The following TFB1M variants were observed in gnomAD, a reference collection of about 807,000 sequenced individuals.
The protein encoded by TFB1M is transcription factor B1, mitochondrial.
Under a neutral mutation model 31.1 loss-of-function variants are expected in TFB1M, and 27 were observed. The ratio of observed to expected loss-of-function variants is 0.87; its 90% CI spans 0.64 to 1.20. TFB1M has a LOEUF of 1.20. TFB1M is among the 50% of genes most tolerant of loss of function. The pLI, the probability that TFB1M is intolerant of heterozygous loss-of-function variation, is 0.00. For synonymous variants in TFB1M, 166 were observed against 151.8 expected, an observed-to-expected ratio of 1.09 and a Z score of -0.69; for missense variants, 394 against 418.7, an observed-to-expected ratio of 0.94 and a Z score of 0.51.
the TFB1M span, chr6:155,250,487 G>C: frequency 5.6e-6 from 8 of 1,421,902 alleles, no homozygotes; most frequent in African/African-American, 1.1e-4. Flanking sequence ...GAAAGGACTG[G>C]AGATCAGTCC....
intron 1 of TFB1M, chr6:155,314,091 C>A: frequency 1.0e-5 from 15 of 1,451,100 alleles, no homozygotes; most frequent in Non-Finnish European, 1.4e-5. Flanking sequence ...CCCCCGAACG[C>A]GGAGTTTTGT....
chr6:155,296,981 G>A lies in TFB1M; in HGVS notation c.518C>T (p.Thr173Ile). 2 of 1,613,934 alleles carry A rather than the reference G, an allele frequency of 1.2e-6. No homozygotes were observed. The highest frequency in any genetic ancestry group is 1.7e-6 in the Non-Finnish European group (2 of 1,179,928). ...GPFVYGRTQM[T>I]LTFQKEVAER... ...TGCCACTTCCTTTTGAAAAGTCAAAGTCATCTGAGTTCTGCCATAAACAAA... is the reference window on the plus strand; with the variant it reads ...TGCCACTTCCTTTTGAAAAGTCAAAATCATCTGAGTTCTGCCATAAACAAA... The change falls in exon 4 of 7, where the codon ACT (threonine) becomes ATT (isoleucine). Residue 173 changes from threonine (T) to isoleucine (I), a missense_variant. By Grantham distance (89) the Thr-to-Ile change is moderately conservative. Coordinates refer to ENST00000367166, the MANE Select transcript of TFB1M (RefSeq NM_016020.4).
chr6:155,278,114 G>A (rs994691982), intron 5 of TFB1M, among the ~76,000 whole-genome samples: 2 of 152,154 alleles, frequency 1.3e-5, no homozygotes, highest in African/African-American at 4.8e-5. Flanking sequence ...AATAAATGAT[G>A]TGGAGTCTCT....
chr6:155,280,074 AAAG>A (rs1163324667), intron 5 of TFB1M, among the ~76,000 whole-genome samples: 1 of 152,214 alleles, frequency 6.6e-6, no homozygotes, highest in African/African-American at 2.4e-5. Context: ...TTACAAACAA[AAAG>A]AAGAGAGAAA....
chr6:155,302,912 C>T (rs1777496917), intron 2 of TFB1M, among the ~76,000 whole-genome samples: 1 of 152,096 alleles, frequency 6.6e-6, no homozygotes, highest in Admixed American at 6.6e-5. Context: ...TAAACACGTC[C>T]TTCTTCATAT....
At chr6:155,250,582 G>A in the TFB1M span, 1 of 1,535,866 alleles carries the variant, frequency 6.5e-7, no homozygotes, top group Non-Finnish European at 8.7e-7. Context: ...TAGATCCCAG[G>A]GGAAAGCTTA....
At chr6:155,292,500 C>T (rs1306300966) in intron 4 of TFB1M, among the ~76,000 whole-genome samples, 1 of 152,046 alleles carries the variant, frequency 6.6e-6, no homozygotes, top group Non-Finnish European at 1.5e-5. Flanking sequence ...CGTTGGGTGC[C>T]TTCCTCAGAA....
intron 5 of TFB1M, among the ~76,000 whole-genome samples, chr6:155,265,706 T>TAAATATATTTATATATAATATAAATATA (rs1562389325): frequency 3.4e-5 from 5 of 146,562 alleles, no homozygotes; most frequent in African/African-American, 9.9e-5. Context: ...ATATAAATAT[T>TAAATATATTTATATATAATATAAATATA]AAATATATTT....
At position 155,286,765 on chromosome 6, in the gene TFB1M, C is replaced by G. The variant is rs1776677313; in HGVS notation, c.547-1488G>C. ...GCCAAAACAGGTGGACTGCCAGAGG[C>G]CAGGAGTTCAAGATCAGCCTGGGCA... On this transcript the variant is annotated intron_variant, in intron 4 of 6. Transcript: ENST00000367166. 2.0e-5 allele frequency among the ~76,000 whole-genome samples: 3 copies of G among 150,910 alleles called. No individual in the cohort carries two copies. In the South Asian group the frequency reaches 6.3e-4, roughly 31 times the overall value.
chr6:155,297,791 T>C (rs1040342121), intron 3 of TFB1M, among the ~76,000 whole-genome samples: 1 of 152,152 alleles, frequency 6.6e-6, no homozygotes, highest in Non-Finnish European at 1.5e-5. Flanking sequence ...GAGGAAGGCA[T>C]TGTGGTTCCA....
chr6:155,245,748 T>C, the TFB1M span: 5 of 1,359,044 alleles, frequency 3.7e-6, no homozygotes, highest in Non-Finnish European at 4.9e-6. Context: ...TGCTTATGCC[T>C]TTTATAGTTT....
chr6:155,298,640 A>T, intron 2 of TFB1M, 55 bp from the exon 3 acceptor site: 2 of 1,243,902 alleles, frequency 1.6e-6, no homozygotes, highest in Non-Finnish European at 2.4e-6. Context: ...GAGTAACAAA[A>T]CTAAACTTTT....
intron 6 of TFB1M, 51 bp from the exon 7 acceptor site, chr6:155,258,133 C>A (rs776554450): frequency 5.6e-6 from 9 of 1,597,350 alleles, no homozygotes; most frequent in Admixed American, 5.0e-5. Context: ...TTAAATTCTG[C>A]AAATCATGAC....
rs1784108857 is a variant in TFB1M, at chr6:155,257,179, A to T, written c.*657T>A. ...CATTTTACTTTTAAACTGGTGGTAA[A>T]GTGGAAATTGCAAAAAAAAAAAAAA... is the stretch of plus-strand genomic sequence containing the variant. On this transcript the variant is annotated 3_prime_UTR_variant, in exon 7 of 7. Coordinates refer to ENST00000367166, the MANE Select transcript of TFB1M (RefSeq NM_016020.4). The T allele has an allele frequency of 3.3e-5, 36 of 1,107,048 alleles. No individual in the cohort carries two copies. Among genetic ancestry groups the T allele is most frequent in the Non-Finnish European group, 4.3e-5 (33 of 768,190 alleles). 68.6% of individuals were successfully genotyped at this position (1,107,048 alleles called of 1,614,324 possible).
At chr6:155,266,941 G>C (rs1425651861) in intron 5 of TFB1M, among the ~76,000 whole-genome samples, 1 of 150,864 alleles carries the variant, frequency 6.6e-6, no homozygotes, top group Non-Finnish European at 1.5e-5. Flanking sequence ...GGTGGGAGAG[G>C]GGAAGAGAAC....
intron 4 of TFB1M, among the ~76,000 whole-genome samples, chr6:155,292,230 G>A (rs1776958371): frequency 6.6e-6 from 1 of 152,176 alleles, no homozygotes; most frequent in Non-Finnish European, 1.5e-5. Context: ...TTGTGGGGCA[G>A]ACTACCAGAG....
At chr6:155,305,723 A>ATATATCTATTAAATTATATATT (rs1777730081) in intron 2 of TFB1M, among the ~76,000 whole-genome samples, 1 of 24,604 alleles carries the variant, frequency 4.1e-5, no homozygotes. Context: ...TTATATATTT[A>ATATATCTATTAAATTATATATT]TATATATATT....
In TFB1M at chr6:155,298,594, T is replaced by C. The variant is rs1328016783; in HGVS notation, c.286-9A>G. On this transcript the variant is annotated splice_polypyrimidine_tract_variant and intron_variant, in intron 2 of 6. Coordinates refer to ENST00000367166, the MANE Select transcript of TFB1M (RefSeq NM_016020.4). ...GCTGCATCAGAAAGCATCTAGTTTATAAAAAGATCAGTAAAATGAGCTCAT... is the reference window on the plus strand; with the variant it reads ...GCTGCATCAGAAAGCATCTAGTTTACAAAAAGATCAGTAAAATGAGCTCAT... 1 of 1,574,734 alleles carries C rather than the reference T, an allele frequency of 6.4e-7. No individual in the cohort carries two copies. The highest frequency in any genetic ancestry group is 1.7e-5 in the Admixed American group (1 of 59,982).
At chr6:155,253,713 C>T (rs1402634125), downstream of TFB1M, 1 of 371,100 alleles carries the variant, frequency 2.7e-6, no homozygotes, top group Non-Finnish European at 4.8e-6. Flanking sequence ...TCTCCTCTTC[C>T]CCAGAGAGGG....
Sources: allele counts gnomAD v4.1 joint callset (sites outside exome capture counted in the v4.1 genomes callset), GRCh38; gene constraint gnomAD v4.1.1; transcripts MANE v1.5; gene names NCBI Gene and HGNC (gene_info 2026-07-23, HGNC 2026-07-21).